The following SPATA17 variants were observed in gnomAD, a reference collection of about 807,000 sequenced individuals.
SPATA17 encodes the protein spermatogenesis-associated protein 17.
In SPATA17, 53 loss-of-function variants were observed where a neutral mutation model predicts 62.2. That is an observed-to-expected ratio of 0.85 (90% CI 0.68 to 1.07). SPATA17 has a LOEUF of 1.07. Among genes scored for constraint, SPATA17 ranks in the 50% least tolerant of loss-of-function variants. The pLI is 0.00. For synonymous variants in SPATA17, 146 were observed against 146.8 expected (o/e 0.99, Z 0.04); for missense variants, 466 against 425.5 (o/e 1.10, Z -0.84).
At chr1:217,659,731 A>T (rs1016520631) in intron 3 of SPATA17, among the ~76,000 whole-genome samples, 4 of 152,018 alleles carry the variant, frequency 2.6e-5, no homozygotes, top group Admixed American at 1.3e-4. Flanking sequence ...TTTTCAGGTA[A>T]ATAGTACTGC....
At chr1:217,737,059 C>T (rs1346400011) in intron 5 of SPATA17, among the ~76,000 whole-genome samples, 1 of 152,086 alleles carries the variant, frequency 6.6e-6, no homozygotes, top group East Asian at 1.9e-4. Context: ...TAGCTAAATA[C>T]AATACTGAAT....
At chr1:217,681,745 G>A (rs1671090234) in intron 4 of SPATA17, among the ~76,000 whole-genome samples, 1 of 151,916 alleles carries the variant, frequency 6.6e-6, no homozygotes, top group African/African-American at 2.4e-5. Flanking sequence ...CTTTTAAATG[G>A]CCATGTTTTA....
intron 3 of SPATA17, among the ~76,000 whole-genome samples, chr1:217,661,699 A>G (rs1670574059): frequency 6.6e-6 from 1 of 152,096 alleles, no homozygotes; most frequent in Non-Finnish European, 1.5e-5. Flanking sequence ...GGGGTACAGA[A>G]CTGTTGGGTC....
Position 217,771,911 on chromosome 1 carries a change from G to C in SPATA17, c.520-2423G>C, listed in dbSNP as rs531020874. ...CTGGTAGCGGTTATTCAGGTAGGTAGATATTTTCAAATGATAAATTTTAAT... is the reference window on the plus strand; with the variant it reads ...CTGGTAGCGGTTATTCAGGTAGGTACATATTTTCAAATGATAAATTTTAAT... On this transcript the variant is annotated intron_variant, in intron 6 of 10. Coordinates refer to ENST00000366933, the MANE Select transcript of SPATA17 (RefSeq NM_138796.4). Among the ~76,000 whole-genome samples, 14 of 152,218 alleles carry C rather than the reference G, an allele frequency of 9.2e-5. No individual in the cohort carries two copies. In the South Asian group the frequency reaches 1.0e-3, roughly 11 times the overall value.
chr1:217,816,886 A>G (rs191564818), intron 9 of SPATA17, among the ~76,000 whole-genome samples: 8 of 152,204 alleles, frequency 5.3e-5, no homozygotes, highest in African/African-American at 1.7e-4. Flanking sequence ...TTCTCTCAGC[A>G]TGATGCTAAA....
At chr1:217,675,931 G>A (rs1160537600) in intron 4 of SPATA17, among the ~76,000 whole-genome samples, 1 of 152,050 alleles carries the variant, frequency 6.6e-6, no homozygotes, top group East Asian at 1.9e-4. Context: ...ATATGGATGA[G>A]AACAACTATA....
intron 9 of SPATA17, among the ~76,000 whole-genome samples, chr1:217,817,442 G>T (rs1674747068): frequency 6.6e-6 from 1 of 152,012 alleles, no homozygotes; most frequent in Non-Finnish European, 1.5e-5. Flanking sequence ...GGACATGTTT[G>T]CTTCCCCTTC....
intron 6 of SPATA17, among the ~76,000 whole-genome samples, chr1:217,743,340 A>G (rs1463939924): frequency 1.3e-5 from 2 of 152,172 alleles, no homozygotes; most frequent in African/African-American, 2.4e-5. Context: ...ACATTTTTAT[A>G]TAGAATTTCA....
At chr1:217,764,171 A>G (rs1673243706) in intron 6 of SPATA17, among the ~76,000 whole-genome samples, 1 of 152,132 alleles carries the variant, frequency 6.6e-6, no homozygotes, top group Non-Finnish European at 1.5e-5. Context: ...CTATAATGAC[A>G]TATATCCACC....
chr1:217,848,348 T>C (rs550989166), intron 9 of SPATA17, among the ~76,000 whole-genome samples: 53 of 152,300 alleles, frequency 3.5e-4, no homozygotes, highest in African/African-American at 1.2e-3. Context: ...GACCTTCAAC[T>C]ATGGTAGATG....
rs191391744 is a variant in SPATA17 at position 217,852,681 on chromosome 1, C to A, written c.1006-10093C>A. Among the ~76,000 whole-genome samples, 319 of 152,186 alleles carry A rather than the reference C, an allele frequency of 2.1e-3. 3 individuals carry two copies. The highest frequency in any genetic ancestry group is 2.2e-3 in the Non-Finnish European group (150 of 67,998). Reference sequence around the variant, plus strand: ...TTTCAGATGTTGGAAAACTTTCCCCCCCAAAAAATCATAGAGCAAATAAAT... The same window carrying A: ...TTTCAGATGTTGGAAAACTTTCCCCACCAAAAAATCATAGAGCAAATAAAT... On this transcript the variant is annotated intron_variant, in intron 9 of 10. Coordinates refer to ENST00000366933, the MANE Select transcript of SPATA17 (RefSeq NM_138796.4).
At chr1:217,726,508 G>A (rs374733879) in intron 5 of SPATA17, among the ~76,000 whole-genome samples, 3 of 152,128 alleles carry the variant, frequency 2.0e-5, no homozygotes, top group Non-Finnish European at 2.9e-5. Flanking sequence ...CACTAGGGCC[G>A]TCAAACTTGT....
chr1:217,648,783 TATC>T (rs1670243654), intron 1 of SPATA17, 96 bp from the exon 2 acceptor site: 2 of 599,636 alleles, frequency 3.3e-6, no homozygotes, highest in Admixed American at 6.5e-5. Flanking sequence ...AATTTATAAT[TATC>T]ATCTTGGAAG....
At chr1:217,865,658 C>T (rs1009767645) in intron 10 of SPATA17, among the ~76,000 whole-genome samples, 1 of 152,096 alleles carries the variant, frequency 6.6e-6, no homozygotes, top group African/African-American at 2.4e-5. Flanking sequence ...TTTATCTTTC[C>T]AGGCAGAGTC....
intron 1 of SPATA17, among the ~76,000 whole-genome samples, chr1:217,643,649 A>C (rs1280164134): frequency 6.6e-6 from 1 of 151,936 alleles, no homozygotes. Flanking sequence ...CTTGAGACTT[A>C]ATTGTTCAGG....
intron 5 of SPATA17, among the ~76,000 whole-genome samples, chr1:217,694,719 G>A (rs1262406702): frequency 1.3e-5 from 2 of 151,382 alleles, no homozygotes; most frequent in African/African-American, 4.8e-5. Flanking sequence ...ATTTGCTTGT[G>A]TGTAAAGGAT....
intron 9 of SPATA17, among the ~76,000 whole-genome samples, chr1:217,813,126 C>T (rs1027960159): frequency 3.9e-5 from 6 of 152,154 alleles, no homozygotes; most frequent in Non-Finnish European, 5.9e-5. Flanking sequence ...ATAAAGTTGA[C>T]CTTTGCTGTC....
chr1:217,676,438 A>C lies in SPATA17; in HGVS notation c.292-6820A>C, dbSNP rs1670947947. ...TGCCTGTTTTGGGCCCTGAAGCATC[A>C]ATGGAAAAGAAAAGGGACTCTAACA... On this transcript the variant is annotated intron_variant, in intron 4 of 10. Transcript: ENST00000366933. Among the ~76,000 whole-genome samples, 3 of 152,246 alleles carry C rather than the reference A, an allele frequency of 2.0e-5. No homozygotes were observed. In the South Asian group the frequency reaches 6.2e-4, roughly 32 times the overall value.
In SPATA17 at chr1:217,867,757, T is replaced by A. The variant is rs2103018941; in HGVS notation, c.*738T>A. On this transcript the variant is annotated 3_prime_UTR_variant, in exon 11 of 11. Coordinates refer to ENST00000366933, the MANE Select transcript of SPATA17 (RefSeq NM_138796.4). ...TTGGAAGTTAACTCAACATTTGAGG[T>A]TCCTATATCCTTTAATCCCATCCCA... The A allele has an allele frequency of 6.6e-6, 1 of 152,292 alleles. No individual in the cohort carries two copies. The highest frequency in any genetic ancestry group is 2.4e-5 in the African/African-American group (1 of 41,558). The allele number at this position is 152,292 out of a possible 1,614,324, so 9.4% of individuals were successfully genotyped here.
Sources: gnomAD v4.1 joint callset for allele counts (sites outside exome capture counted in the v4.1 genomes callset) on GRCh38, gnomAD v4.1.1 for gene constraint, MANE v1.5 for transcripts, NCBI Gene and HGNC (gene_info 2026-07-23, HGNC 2026-07-21) for gene names.